The following WDR64 variants were observed in gnomAD, a reference collection of about 807,000 sequenced individuals.
The protein encoded by WDR64 is WD repeat domain 64.
A neutral mutation model predicts 139.3 loss-of-function variants in WDR64; 112 were observed. That is an observed-to-expected ratio of 0.80 (90% CI 0.69 to 0.94). The LOEUF is 0.94. WDR64 is among the 40% of genes least tolerant of loss of function. The pLI, the probability that WDR64 is intolerant of heterozygous loss-of-function variation, is 0.00. For synonymous variants in WDR64, 444 were observed against 437.7 expected, an observed-to-expected ratio of 1.01 and a Z score of -0.18; for missense variants, 1,206 against 1,293.1, an observed-to-expected ratio of 0.93 and a Z score of 1.03.
chr1:241,796,492 C>T (rs1434155317), intron 27 of WDR64, 122 bp downstream of exon 27: 6 of 502,368 alleles, frequency 1.2e-5, no homozygotes, highest in African/African-American at 2.1e-5. Context: ...TCAGTTCATA[C>T]TTTTTTTTTT....
intron 1 of WDR64, 83 bp downstream of exon 1, chr1:241,652,712 CAG>C (rs1412940332): frequency 1.0e-5 from 15 of 1,483,270 alleles, no homozygotes; most frequent in South Asian, 4.2e-5. Context: ...AGAGAAGCAT[CAG>C]AGCTTAATGT....
At chr1:241,779,636 T>G (rs1658778064) in intron 21 of WDR64, among the ~76,000 whole-genome samples, 1 of 151,874 alleles carries the variant, frequency 6.6e-6, no homozygotes, top group Non-Finnish European at 1.5e-5. Flanking sequence ...GACCAGCTTG[T>G]CCAACATGGT....
At chr1:241,785,765 T>C (rs1417679103) in intron 23 of WDR64, among the ~76,000 whole-genome samples, 6 of 152,216 alleles carry the variant, frequency 3.9e-5, no homozygotes, top group Admixed American at 3.3e-4. Flanking sequence ...TAAATCTTGC[T>C]TGTCAAAAAG....
chr1:241,713,985 G>C (rs1049329483), intron 9 of WDR64, among the ~76,000 whole-genome samples: 1 of 152,186 alleles, frequency 6.6e-6, no homozygotes, highest in African/African-American at 2.4e-5. Context: ...TGGGGAAGAA[G>C]AACAAAAGAA....
At position 241,765,589 on chromosome 1, in the gene WDR64, A is replaced by C. The variant is rs921038635; in HGVS notation, c.1948-629A>C. The stretch of plus-strand genomic sequence containing the variant: ...GAGTGGTAATTGACAGTGGTAATAG[A>C]CCTCTCCTCTTATTTAAATGTCACT... On this transcript the variant is annotated intron_variant, in intron 15 of 27. Transcript: ENST00000437684. 3.3e-5 allele frequency among the ~76,000 whole-genome samples: 5 copies of C among 151,846 alleles called. No individual in the cohort carries two copies. In the South Asian group the frequency reaches 1.0e-3, roughly 32 times the overall value.
At chr1:241,761,555 T>C (rs1657902607) in intron 15 of WDR64, among the ~76,000 whole-genome samples, 1 of 151,382 alleles carries the variant, frequency 6.6e-6, no homozygotes, top group Non-Finnish European at 1.5e-5. Context: ...TTAGATACAT[T>C]AGAAATATAT....
intron 8 of WDR64, among the ~76,000 whole-genome samples, chr1:241,707,552 C>T (rs544016878): frequency 2.0e-5 from 3 of 152,206 alleles, no homozygotes; most frequent in Non-Finnish European, 1.5e-5. Flanking sequence ...TCTCACCACC[C>T]ACCAGCCTGT....
chr1:241,714,244 G>A (rs1668314425), intron 9 of WDR64, among the ~76,000 whole-genome samples: 1 of 152,082 alleles, frequency 6.6e-6, no homozygotes, highest in South Asian at 2.1e-4. Flanking sequence ...CAAGAAAGTG[G>A]CCTACATTGC....
Position 241,652,452 on chromosome 1 carries a change from T to C in WDR64, c.-33T>C, listed in dbSNP as rs1378708698. 4 of 1,537,990 alleles carry C rather than the reference T, an allele frequency of 2.6e-6. No individual in the cohort carries two copies. Among genetic ancestry groups the C allele is most frequent in the Non-Finnish European group, 3.5e-6 (4 of 1,142,348 alleles). On this transcript the variant is annotated 5_prime_UTR_variant, in exon 1 of 28. Coordinates refer to ENST00000437684, the MANE Select transcript of WDR64 (RefSeq NM_001367482.1). ...AAATTGGTAAACTTGCAGTATTCTT[T>C]CTGTACAGAAGTAAAAGATCCCCTA...
intron 16 of WDR64, among the ~76,000 whole-genome samples, chr1:241,767,814 A>G (rs1403343724): frequency 6.6e-6 from 1 of 152,130 alleles, no homozygotes; most frequent in Non-Finnish European, 1.5e-5. Context: ...CTGTTTCTGC[A>G]GACCCCCCTT....
At chr1:241,772,754 C>T (rs769226258) in intron 19 of WDR64, 38 bp from the exon 20 acceptor site, 33 of 1,547,026 alleles carry the variant, frequency 2.1e-5, no homozygotes, top group South Asian at 1.6e-4. Flanking sequence ...TGAGCCACCA[C>T]GCCTGGCCTC....
At chr1:241,733,249 TG>T (rs1350303983) in intron 10 of WDR64, among the ~76,000 whole-genome samples, 1 of 152,080 alleles carries the variant, frequency 6.6e-6, no homozygotes, top group African/African-American at 2.4e-5. Flanking sequence ...CCAAGGTGGA[TG>T]GATCACCTGA....
Position 241,757,309 on chromosome 1 carries a change from G to C in WDR64, c.1797G>C (p.Met599Ile), listed in dbSNP as rs760119660. ...GTAAGGAAGATGATATCTACCTCAT[G>C]GTGATCTGGGAGCTGCCTGATGTTG... Reference protein sequence around the residue: ...IQGKEDDIYLMVIWELPDVVP... With the variant: ...IQGKEDDIYLIVIWELPDVVP... The change falls in exon 15 of 28, where the codon ATG (methionine) becomes ATC (isoleucine). Residue 599 changes from methionine (M) to isoleucine (I), a missense_variant. By Grantham distance (10) the Met-to-Ile change is conservative. Coordinates refer to ENST00000437684, the MANE Select transcript of WDR64 (RefSeq NM_001367482.1). 1 of 1,613,828 alleles carries C rather than the reference G, an allele frequency of 6.2e-7. No homozygotes were observed. Among genetic ancestry groups the C allele is most frequent in the South Asian group, 1.1e-5 (1 of 90,994 alleles).
At chr1:241,738,595 T>C (rs1232550527) in intron 11 of WDR64, 106 bp downstream of exon 11, 1 of 1,170,116 alleles carries the variant, frequency 8.5e-7, no homozygotes, top group Admixed American at 2.9e-5. Context: ...ACTAGAAGGG[T>C]AATTTATCAA....
At chr1:241,681,077 T>C (rs563670973) in intron 6 of WDR64, among the ~76,000 whole-genome samples, 127 of 152,088 alleles carry the variant, frequency 8.4e-4, no homozygotes, top group South Asian at 1.5e-3. Flanking sequence ...GACAAGGCTC[T>C]ACAGCCTCTT....
In WDR64 at chr1:241,787,851, T is replaced by G. The variant is rs775604345; in HGVS notation, c.2708T>G (p.Leu903Arg). The G allele has an allele frequency of 7.0e-6, 11 of 1,572,918 alleles. 1 individual carries two copies. The East Asian group carries it at 2.5e-4, about 36-fold the overall frequency. Reference protein sequence around the residue: ...LTASIDGSVRLWHALNGHYCG... With the variant: ...LTASIDGSVRRWHALNGHYCG... ...TCCCTTCCTTTTCCTTCCCTCAGGC[T>G]CTGGCATGCCCTCAATGGACATTAT... The change falls in exon 24 of 28, where the codon CTC (leucine) becomes CGC (arginine). Residue 903 changes from leucine (L) to arginine (R), a missense_variant and splice_region_variant. Physicochemically the swap from Leu to Arg is moderately radical, Grantham distance 102. Transcript: ENST00000437684.
In WDR64 at chr1:241,766,332, ACGT is replaced by A. The variant is rs1446126316; in HGVS notation, c.2064_2066del (p.Ser689del). The A allele has an allele frequency of 1.2e-6, 2 of 1,614,018 alleles. No individual in the cohort carries two copies. The highest frequency in any genetic ancestry group is 2.2e-5 in the South Asian group (2 of 91,070). On this transcript the variant is annotated inframe_deletion, in exon 16 of 28. Coordinates refer to ENST00000437684, the MANE Select transcript of WDR64 (RefSeq NM_001367482.1). ...TGTGATCATCTTATGGAATTTTGTG[ACGT>A]CTACTGTCAAAAAAGTGTAAGTTGT...
intron 12 of WDR64, among the ~76,000 whole-genome samples, chr1:241,743,481 A>G (rs554913080): frequency 4.5e-4 from 68 of 152,068 alleles, no homozygotes; most frequent in Admixed American, 1.2e-3. Context: ...CTATCTCATC[A>G]GCTCCATCCC....
chr1:241,701,131 C>T (rs1373669294), intron 8 of WDR64, among the ~76,000 whole-genome samples: 1 of 152,158 alleles, frequency 6.6e-6, no homozygotes, highest in East Asian at 1.9e-4. Context: ...AAAATATGCC[C>T]TTCAACTAGC....
Sources: allele counts gnomAD v4.1 joint callset (sites outside exome capture counted in the v4.1 genomes callset), GRCh38; gene constraint gnomAD v4.1.1; transcripts MANE v1.5; gene names NCBI Gene and HGNC (gene_info 2026-07-23, HGNC 2026-07-21).